Variants in GALC observed in about 807,000 individuals in gnomAD.
GALC encodes galactocerebrosidase.
Under a neutral mutation model 91.8 loss-of-function variants are expected in GALC, and 77 were observed. The ratio of observed to expected loss-of-function variants is 0.84; its 90% confidence interval spans 0.70 to 1.01. GALC has a LOEUF of 1.01. Among genes scored for constraint, GALC ranks in the 50% least tolerant of loss-of-function variants. The pLI, the probability that GALC is intolerant of heterozygous loss-of-function variation, is 0.00. For missense variants in GALC, 882 were observed against 855.9 expected (o/e 1.03, Z -0.38); for synonymous variants, 357 against 306.7 (o/e 1.16, Z -1.71).
rs1330330152 is a variant in GALC, at chr14:87,940,913, G to A, written c.1834+482C>T. Among the ~76,000 whole-genome samples the A allele has an allele frequency of 2.6e-5, 4 of 151,892 alleles. No homozygotes were observed. In the East Asian group the frequency reaches 7.8e-4, roughly 30 times the overall value. ...AAATATTATCCTACCTAACACAAGG[G>A]CTGTAAAGATGACTGAGAAAAGTCA... is the stretch of plus-strand genomic sequence containing the variant. On this transcript the variant is annotated intron_variant, in intron 15 of 16. Transcript: ENST00000261304.
At position 87,934,246 on chromosome 14, in the gene GALC, G is replaced by C. The variant is rs1280004708; in HGVS notation, c.*486C>G. On this transcript the variant is annotated 3_prime_UTR_variant, in exon 17 of 17. Transcript: ENST00000261304. ...AGAGCATAAAGCATAACAGGTTGAA[G>C]TGGTTTTCAAAAAGCTACTTCTAGT... The C allele has an allele frequency of 8.1e-6, 11 of 1,350,412 alleles. No homozygotes were observed. Among genetic ancestry groups the C allele is most frequent in the Non-Finnish European group, 1.0e-5 (11 of 1,050,742 alleles). The allele number at this position is 1,350,412 out of a possible 1,614,324, so 83.7% of individuals were successfully genotyped here.
At chr14:87,992,517 A>G in intron 1 of GALC, 1 of 1,530,058 alleles carries the variant, frequency 6.5e-7, no homozygotes, top group Middle Eastern at 2.2e-4. Flanking sequence ...CAACTCCTCC[A>G]AAAGGGAGAG....
At chr14:87,975,727 T>C (rs961816820) in intron 7 of GALC, among the ~76,000 whole-genome samples, 1 of 151,854 alleles carries the variant, frequency 6.6e-6, no homozygotes, top group African/African-American at 2.4e-5. Flanking sequence ...GTCTTCACAC[T>C]GGATAAAGAA....
At chr14:87,988,991 A>T (rs1887085326) in intron 1 of GALC, among the ~76,000 whole-genome samples, 2 of 152,264 alleles carry the variant, frequency 1.3e-5, no homozygotes, top group Admixed American at 6.5e-5. Flanking sequence ...AACTAGCAAT[A>T]ATCTCCAGAC....
rs1478697086 is a variant in GALC, at chr14:87,988,519, G to A, written c.200C>T (p.Thr67Ile). The change falls in exon 2 of 17, where the codon ACC becomes ATC. Residue 67 changes from threonine to isoleucine, a missense_variant. Thr to Ile is a moderately conservative substitution (Grantham distance 89, BLOSUM62 -1). Transcript: ENST00000261304. ...TGGGTAATTTACTAGAAGTCGGGAGGTTGCCTAAAAAAAAAAGTTTTCAAA... is the reference window on the plus strand; with the variant it reads ...TGGGTAATTTACTAGAAGTCGGGAGATTGCCTAAAAAAAAAAGTTTTCAAA... ...GIGAVSGGGA[T>I]SRLLVNYPEP... 10 of 1,610,020 alleles carry A rather than the reference G, an allele frequency of 6.2e-6. No individual in the cohort carries two copies. The highest frequency in any genetic ancestry group is 1.7e-4 in the Middle Eastern group (1 of 6,046).
Position 87,940,001 on chromosome 14 carries a change from T to C in GALC, c.1835-20A>G, listed in dbSNP as rs372755909. On this transcript the variant is annotated intron_variant, in intron 15 of 16. Coordinates refer to ENST00000261304, the MANE Select transcript of GALC (RefSeq NM_000153.4). Reference sequence around the variant, plus strand: ...ATCCAGCTGTAACACAAAAATATTATCCCAATAGATATAATTTTGAGATCT... The same window carrying C: ...ATCCAGCTGTAACACAAAAATATTACCCCAATAGATATAATTTTGAGATCT... 3 of 1,564,280 alleles carry C rather than the reference T, an allele frequency of 1.9e-6. No individual in the cohort carries two copies. Among genetic ancestry groups the C allele is most frequent in the Non-Finnish European group, 2.6e-6 (3 of 1,135,678 alleles).
At chr14:87,965,361 A>T (rs1421814441) in intron 9 of GALC, 144 bp downstream of exon 9, 1 of 875,416 alleles carries the variant, frequency 1.1e-6, no homozygotes, top group Non-Finnish European at 1.8e-6. Flanking sequence ...ATATTCTTAT[A>T]AAACACTGGC....
chr14:87,949,980 C>T, intron 11 of GALC, 49 bp from the exon 12 acceptor site: 1 of 934,002 alleles, frequency 1.1e-6, no homozygotes, highest in South Asian at 1.3e-5. Context: ...ATCACATCCT[C>T]TTTGAGGATT....
In GALC at chr14:87,945,349, A is replaced by G. The variant is rs430536; in HGVS notation, c.1670+204T>C. 0.97 allele frequency among the ~76,000 whole-genome samples: 148,172 copies of G among 152,144 alleles called. 72,250 individuals carry two copies. The highest frequency in any genetic ancestry group is 1 in the Non-Finnish European group (67,929 of 67,974). On this transcript the variant is annotated intron_variant, in intron 14 of 16. Transcript: ENST00000261304. ...AATAATCACTATTAAATAGGGCAAA[A>G]ATGAGGGAAGGACACTGGGGCAGCA...
chr14:87,961,567 G>A (rs1004677115), intron 10 of GALC, among the ~76,000 whole-genome samples: 20 of 152,104 alleles, frequency 1.3e-4, no homozygotes, highest in Admixed American at 7.2e-4. Flanking sequence ...CACACTCCCC[G>A]CAAATATTTT....
At chr14:87,991,616 C>A (rs759005725) in intron 1 of GALC, among the ~76,000 whole-genome samples, 1 of 152,208 alleles carries the variant, frequency 6.6e-6, no homozygotes, top group African/African-American at 2.4e-5. Flanking sequence ...AAGGACTCCA[C>A]AAAGAAGTTT....
At position 87,934,710 on chromosome 14, in the gene GALC, T is replaced by C. The variant is rs752296575; in HGVS notation, c.*22A>G. 3 of 1,612,728 alleles carry C rather than the reference T, an allele frequency of 1.9e-6. No individual in the cohort carries two copies. Among genetic ancestry groups the C allele is most frequent in the African/African-American group, 1.3e-5 (1 of 74,846 alleles). On this transcript the variant is annotated 3_prime_UTR_variant, in exon 17 of 17. Transcript: ENST00000261304. ...AAAGAAGGGAAGAAAATCCAGAGTA[T>C]TCTATGATGCCCTGTTAAGTATTAG...
chr14:87,953,327 G>A, intron 10 of GALC: 3 of 1,436,868 alleles, frequency 2.1e-6, no homozygotes, highest in Non-Finnish European at 2.9e-6. Context: ...CCAAAGGCAA[G>A]TTACGGGAAG....
intron 2 of GALC, 85 bp from the exon 3 acceptor site, chr14:87,988,292 A>G: frequency 7.3e-7 from 1 of 1,378,660 alleles, no homozygotes; most frequent in Non-Finnish European, 1.0e-6. Flanking sequence ...TAGGTTTTAC[A>G]GACGCAAAAA....
At chr14:87,986,216 G>C (rs1469934335) in intron 4 of GALC, among the ~76,000 whole-genome samples, 1 of 152,168 alleles carries the variant, frequency 6.6e-6, no homozygotes, top group Non-Finnish European at 1.5e-5. Flanking sequence ...TATGACCTTA[G>C]GTCAGTGGCA....
At chr14:87,980,494 T>C in intron 6 of GALC, 1 of 982,900 alleles carries the variant, frequency 1.0e-6, no homozygotes, top group South Asian at 4.7e-5. Context: ...TTTTCCCCCA[T>C]ATCCCTTTAC....
Position 87,993,009 on chromosome 14 carries a change from G to T in GALC, c.156C>A (p.Gly52=). 1 of 1,543,002 alleles carries T rather than the reference G, an allele frequency of 6.5e-7. No individual in the cohort carries two copies. The highest frequency in any genetic ancestry group is 1.4e-5 in the African/African-American group (1 of 70,798). ...AYVLDDSDGL[G]REFDGIGAVS... ...CCGCGCCGATGCCGTCGAACTCCCG[G>T]CCCAGCCCGTCGGAGTCGTCGAGCA... The change falls in exon 1 of 17, where the codon GGC becomes GGA. Residue 52 remains glycine (G), a synonymous_variant. Transcript: ENST00000261304.
At position 87,945,543 on chromosome 14, in the gene GALC, T is replaced by C. The variant is rs1050027845; in HGVS notation, c.1670+10A>G. 3.2e-6 allele frequency: 5 copies of C among 1,575,016 alleles called. No homozygotes were observed. Among genetic ancestry groups the C allele is most frequent in the Non-Finnish European group, 4.4e-6 (5 of 1,144,722 alleles). ...TTCAGCCAGATCCACATTGAGAACA[T>C]CAATCTTACCAGTTGTAGTCTCCTA... On this transcript the variant is annotated intron_variant, in intron 14 of 16. Coordinates refer to ENST00000261304, the MANE Select transcript of GALC (RefSeq NM_000153.4).
intron 10 of GALC, among the ~76,000 whole-genome samples, chr14:87,962,254 A>G (rs972242174): frequency 3.9e-5 from 6 of 152,084 alleles, no homozygotes; most frequent in African/African-American, 9.7e-5. Context: ...TCTTTTGACT[A>G]TCCTTGGGAG....
Sources: gnomAD v4.1 joint callset for allele counts (sites outside exome capture counted in the v4.1 genomes callset) on GRCh38, gnomAD v4.1.1 for gene constraint, MANE v1.5 for transcripts, NCBI Gene and HGNC (gene_info 2026-07-23, HGNC 2026-07-21) for gene names.